The following TRIL variants were observed in gnomAD, a reference collection of about 807,000 sequenced individuals.
TRIL encodes TLR4 interactor with leucine rich repeats.
In TRIL, 23 loss-of-function variants were observed where a neutral mutation model predicts 43.0. The observed-to-expected ratio is 0.54, with a 90% CI of 0.39 to 0.76. TRIL has a LOEUF of 0.76. Among genes scored for constraint, TRIL ranks in the 30% least tolerant of loss-of-function variants. The pLI is 0.00. For missense variants in TRIL, 1,114 were observed against 1,139.3 expected (o/e 0.98, Z 0.32); for synonymous variants, 602 against 556.8 (o/e 1.08, Z -1.14).
At position 28,953,408 on chromosome 7, in the gene TRIL, C is replaced by T. The variant is rs1396458837; in HGVS notation, c.*2203G>A. The T allele has an allele frequency of 6.6e-6, 1 of 152,554 alleles. No individual in the cohort carries two copies. Among genetic ancestry groups the T allele is most frequent in the Non-Finnish European group, 1.5e-5 (1 of 68,018 alleles). 9.5% of individuals were successfully genotyped at this position (152,554 alleles called of 1,614,324 possible). A position where few individuals can be genotyped will look rare whatever the true frequency, so the allele number is the denominator to read the frequency against. On this transcript the variant is annotated 3_prime_UTR_variant, in exon 1 of 1. Transcript: ENST00000539664. ...CATAACTGGACATAACAATGTATAACATTTATTCATCTCCCACTGAAAGAC... is the reference window on the plus strand; with the variant it reads ...CATAACTGGACATAACAATGTATAATATTTATTCATCTCCCACTGAAAGAC...
At position 28,957,648 on chromosome 7, in the gene TRIL, C is replaced by T. The variant is rs1783428349; in HGVS notation, c.399G>A (p.Leu133=). 1.2e-6 allele frequency: 2 copies of T among 1,609,786 alleles called. No individual in the cohort carries two copies. Among genetic ancestry groups the T allele is most frequent in the Non-Finnish European group, 1.7e-6 (2 of 1,178,228 alleles). Residue 133 remains leucine, a synonymous_variant, in exon 1 of 1, where the codon CTG becomes CTA. Transcript: ENST00000539664. ...CGTTCCCGTTGGCGTAGAGGATGCG[C>T]AGCTTGCGCAGCGGGGCCAGCGTGC... ...APGTLAPLRK[L]RILYANGNEI...
rs1215394267 is a variant in TRIL at position 28,957,251 on chromosome 7, T to C, written c.796A>G (p.Thr266Ala). 6 of 1,608,322 alleles carry C rather than the reference T, an allele frequency of 3.7e-6. No individual in the cohort carries two copies. The highest frequency in any genetic ancestry group is 5.1e-6 in the Non-Finnish European group (6 of 1,179,554). The change falls in exon 1 of 1, where the codon ACG becomes GCG. Residue 266 changes from threonine (T) to alanine (A), a missense_variant. Transcript: ENST00000539664. ...CAAAAGGCCTCAGGCGCGAGGTGCG[T>C]GAGCTGGTTGCCCCTGAGCGAGAGC... ...GLLSLRGNQL[T>A]HLAPEAFWGL...
chr7:28,958,165 C>A lies in TRIL; in HGVS notation c.-119G>T. 7.5e-7 allele frequency: 1 copy of A among 1,334,342 alleles called. No individual in the cohort carries two copies. 82.7% of individuals were successfully genotyped at this position (1,334,342 alleles called of 1,614,324 possible). ...AAATGGCCTCTTTCGGACTTCGCAG[C>A]GCCGTCCAGCCCCTCCTCCGTCCTT... On this transcript the variant is annotated 5_prime_UTR_variant, in exon 1 of 1. Coordinates refer to ENST00000539664, the MANE Select transcript of TRIL (RefSeq NM_014817.4).
Position 28,955,414 on chromosome 7 carries a change from T to C in TRIL, c.*197A>G, listed in dbSNP as rs951381330. ...ATCCCACCATCCATTTGTCCCCTACTCTGGCTCTGACCACCAAGTACCATC... is the reference window on the plus strand; with the variant it reads ...ATCCCACCATCCATTTGTCCCCTACCCTGGCTCTGACCACCAAGTACCATC... On this transcript the variant is annotated 3_prime_UTR_variant, in exon 1 of 1. Transcript: ENST00000539664. 1.2e-6 allele frequency: 1 copy of C among 811,516 alleles called. No individual in the cohort carries two copies. Among genetic ancestry groups the C allele is most frequent in the Non-Finnish European group, 1.8e-6 (1 of 546,128 alleles). 50.3% of individuals were successfully genotyped at this position (811,516 alleles called of 1,614,324 possible).
rs773647553 is a variant in TRIL at position 28,957,423 on chromosome 7, G to A, written c.624C>T (p.Leu208=). ...GCTGTAGCTCGTTGGCAGAGAGGTT[G>A]AGGAAGCGCAGCTTGCCTAGCTGGG... ...AFAQLGKLRF[L]NLSANELQPS... is the part of the protein sequence containing the mutation. The change falls in exon 1 of 1, where the codon CTC becomes CTT. Residue 208 remains leucine, a synonymous_variant. Transcript: ENST00000539664. 6.2e-7 allele frequency: 1 copy of A among 1,613,498 alleles called. No homozygotes were observed. The highest frequency in any genetic ancestry group is 8.5e-7 in the Non-Finnish European group (1 of 1,179,876).
Position 28,958,079 on chromosome 7 carries a change from T to A in TRIL, c.-33A>T. On this transcript the variant is annotated 5_prime_UTR_variant, in exon 1 of 1. Transcript: ENST00000539664. The stretch of plus-strand genomic sequence containing the variant: ...CGCCCTGCGTGCAGCGGCCGGATCG[T>A]CCTCTTGGCCCGCCGGCTCTGTGTC... 1 of 1,471,218 alleles carries A rather than the reference T, an allele frequency of 6.8e-7. No individual in the cohort carries two copies. Among genetic ancestry groups the A allele is most frequent in the Non-Finnish European group, 9.0e-7 (1 of 1,116,438 alleles). 91.1% of individuals were successfully genotyped at this position (1,471,218 alleles called of 1,614,324 possible). A position where few individuals can be genotyped will look rare whatever the true frequency, so the allele number is the denominator to read the frequency against.
chr7:28,956,336 C>T lies in TRIL; in HGVS notation c.1711G>A (p.Gly571Arg). The change falls in exon 1 of 1, where the codon GGG becomes AGG. Residue 571 changes from glycine to arginine, a missense_variant. Gly to Arg is a moderately radical substitution (Grantham distance 125). Transcript: ENST00000539664. Reference protein sequence around the residue: ...ERAAQSDGGAGLPPLVSDPCD... With the variant: ...ERAAQSDGGARLPPLVSDPCD... ...GGGTCGGACACCAGCGGCGGCAGCC[C>T]GGCCCCACCGTCGGACTGGGCGGCA... 6.5e-7 allele frequency: 1 copy of T among 1,530,728 alleles called. No individual in the cohort carries two copies. The highest frequency in any genetic ancestry group is 2.4e-5 in the East Asian group (1 of 41,004). 94.8% of individuals were successfully genotyped at this position (1,530,728 alleles called of 1,614,324 possible).
In TRIL at chr7:28,957,395, A is replaced by C. The variant is rs769337792; in HGVS notation, c.652T>G (p.Ser218Ala). The C allele has an allele frequency of 3.1e-6, 5 of 1,613,338 alleles. No homozygotes were observed. The highest frequency in any genetic ancestry group is 4.2e-6 in the Non-Finnish European group (5 of 1,179,852). ...LNLSANELQP[S>A]LRHAATFAPL... ...GCGAAGGTGGCCGCGTGGCGCAGGG[A>C]GGGCTGTAGCTCGTTGGCAGAGAGG... is the stretch of plus-strand genomic sequence containing the variant. Residue 218 changes from serine (S) to alanine (A), a missense_variant, in exon 1 of 1, where the codon TCC (serine) becomes GCC (alanine). Coordinates refer to ENST00000539664, the MANE Select transcript of TRIL (RefSeq NM_014817.4).
chr7:28,957,929 G>A lies in TRIL; in HGVS notation c.118C>T (p.Leu40=). 2 of 1,610,496 alleles carry A rather than the reference G, an allele frequency of 1.2e-6. No homozygotes were observed. Among genetic ancestry groups the A allele is most frequent in the Non-Finnish European group, 1.7e-6 (2 of 1,179,796 alleles). Residue 40 remains leucine, a synonymous_variant, in exon 1 of 1, where the codon CTG becomes TTG. Coordinates refer to ENST00000539664, the MANE Select transcript of TRIL (RefSeq NM_014817.4). ...ACGCGGAGCCCCCTGTTGGTGCACAGGAGATGCTGGGGATGCTGGCAGTCG... is the reference window on the plus strand; with the variant it reads ...ACGCGGAGCCCCCTGTTGGTGCACAAGAGATGCTGGGGATGCTGGCAGTCG... ...RCDCQHPQHL[L]CTNRGLRVVP...
Position 28,957,558 on chromosome 7 carries a change from G to C in TRIL, c.489C>G (p.Asp163Glu), listed in dbSNP as rs765265150. Residue 163 changes from aspartate (D) to glutamate (E), a missense_variant, in exon 1 of 1, where the codon GAC (aspartate) becomes GAG (glutamate). Asp to Glu is a conservative substitution (Grantham distance 45). Coordinates refer to ENST00000539664, the MANE Select transcript of TRIL (RefSeq NM_014817.4). ...GLESLVKLRL[D>E]GNALGALPDA... ...CCGGCAGCGCCCCCAGGGCGTTCCC[G>C]TCCAGCCGCAGCTTGACTAGACTCT... 3 of 1,612,116 alleles carry C rather than the reference G, an allele frequency of 1.9e-6. No homozygotes were observed. Among genetic ancestry groups the C allele is most frequent in the Non-Finnish European group, 2.5e-6 (3 of 1,179,604 alleles).
rs748900559 is a variant in TRIL, at chr7:28,957,515, A to G, written c.532T>C (p.Leu178=). The G allele has an allele frequency of 2.5e-6, 4 of 1,613,166 alleles. No homozygotes were observed. The highest frequency in any genetic ancestry group is 2.5e-6 in the Non-Finnish European group (3 of 1,179,842). The change falls in exon 1 of 1, where the codon TTG becomes CTG. Residue 178 remains leucine, a synonymous_variant. Coordinates refer to ENST00000539664, the MANE Select transcript of TRIL (RefSeq NM_014817.4). The part of the protein sequence containing the change: ...GALPDAVFAP[L]GNLLYLHLES... ...AGATGTAGGTAGAGCAGGTTGCCCAAGGGAGCGAAGACCGCGTCCGGCAGC... is the reference window on the plus strand; with the variant it reads ...AGATGTAGGTAGAGCAGGTTGCCCAGGGGAGCGAAGACCGCGTCCGGCAGC...
At position 28,955,928 on chromosome 7, in the gene TRIL, C is replaced by T. The variant is rs1442152089; in HGVS notation, c.2119G>A (p.Ala707Thr). 1 of 1,552,996 alleles carries T rather than the reference C, an allele frequency of 6.4e-7. No individual in the cohort carries two copies. The highest frequency in any genetic ancestry group is 8.7e-7 in the Non-Finnish European group (1 of 1,150,810). The change falls in exon 1 of 1, where the codon GCG (alanine) becomes ACG (threonine). Residue 707 changes from alanine to threonine, a missense_variant. Coordinates refer to ENST00000539664, the MANE Select transcript of TRIL (RefSeq NM_014817.4). ...LLTLALLTVN[A>T]LLVLLALAAW... ...GCCAAGGCCAGGAGCACCAGCAGCG[C>T]GTTGACCGTCAGCAGGGCCAAGGTC...
rs1407383936 is a variant in TRIL, at chr7:28,958,217, C to A, written c.-171G>T. The A allele has an allele frequency of 5.9e-6, 6 of 1,011,066 alleles. No homozygotes were observed. Among genetic ancestry groups the A allele is most frequent in the Admixed American group, 3.6e-5 (1 of 27,840 alleles). The allele number at this position is 1,011,066 out of a possible 1,614,324, so 62.6% of individuals were successfully genotyped here. A position where few individuals can be genotyped will look rare whatever the true frequency, so the allele number is the denominator to read the frequency against. ...GTCCGGAGGCCGGCCCGGGTCTCTG[C>A]AGGCGGGCTTCGCCCGGCCAAGTCA... On this transcript the variant is annotated 5_prime_UTR_variant, in exon 1 of 1. Transcript: ENST00000539664.
chr7:28,958,071 C>T lies in TRIL; in HGVS notation c.-25G>A, dbSNP rs775106481. On this transcript the variant is annotated 5_prime_UTR_variant, in exon 1 of 1. Transcript: ENST00000539664. ...TCGCCTCCCGCCCTGCGTGCAGCGG[C>T]CGGATCGTCCTCTTGGCCCGCCGGC... is the stretch of plus-strand genomic sequence containing the variant. 4 of 1,475,060 alleles carry T rather than the reference C, an allele frequency of 2.7e-6. No individual in the cohort carries two copies. The highest frequency in any genetic ancestry group is 3.6e-6 in the Non-Finnish European group (4 of 1,118,710). 91.4% of individuals were successfully genotyped at this position (1,475,060 alleles called of 1,614,324 possible). A position where few individuals can be genotyped will look rare whatever the true frequency, so the allele number is the denominator to read the frequency against.
rs1274850265 is a variant in TRIL at position 28,957,633 on chromosome 7, G to A, written c.414C>T (p.Ala138=). Residue 138 remains alanine, a synonymous_variant, in exon 1 of 1, where the codon GCC becomes GCT. Transcript: ENST00000539664. The stretch of plus-strand genomic sequence containing the variant: ...TTAGGCGGCTGATCTCGTTCCCGTT[G>A]GCGTAGAGGATGCGCAGCTTGCGCA... ...APLRKLRILY[A]NGNEISRLSR... 1 of 1,610,844 alleles carries A rather than the reference G, an allele frequency of 6.2e-7. No homozygotes were observed. The highest frequency in any genetic ancestry group is 8.5e-7 in the Non-Finnish European group (1 of 1,178,700).
In TRIL at chr7:28,956,755, G is replaced by T; in HGVS notation, c.1292C>A (p.Pro431His). ...ASLTADRRRQ[P>H]LPTAAGEEMT... The stretch of plus-strand genomic sequence containing the variant: ...CTCCTCCCCTGCGGCCGTGGGTAGG[G>T]GCTGCCGCCTGCGGTCAGCGGTCAG... Residue 431 changes from proline to histidine, a missense_variant, in exon 1 of 1, where the codon CCC becomes CAC. Transcript: ENST00000539664. 6.2e-7 allele frequency: 1 copy of T among 1,607,882 alleles called. No individual in the cohort carries two copies. Among genetic ancestry groups the T allele is most frequent in the Non-Finnish European group, 8.5e-7 (1 of 1,179,312 alleles).
Position 28,956,868 on chromosome 7 carries a change from G to T in TRIL, c.1179C>A (p.Pro393=). 1 of 1,608,036 alleles carries T rather than the reference G, an allele frequency of 6.2e-7. No individual in the cohort carries two copies. Among genetic ancestry groups the T allele is most frequent in the South Asian group, 1.1e-5 (1 of 90,784 alleles). The change falls in exon 1 of 1, where the codon CCC becomes CCA. Residue 393 remains proline, a synonymous_variant. Transcript: ENST00000539664. ...CCAGGTATTTGCCTCGCAGGGCCGG[G>T]GGGTGGCGACACTGCACGAAGACAG... ...LLTVFVQCRH[P]PALRGKYLDY... is the part of the protein sequence containing the mutation.
chr7:28,955,935 C>G lies in TRIL; in HGVS notation c.2112G>C (p.Thr704=), dbSNP rs1282306824. 7 of 1,553,558 alleles carry G rather than the reference C, an allele frequency of 4.5e-6. No homozygotes were observed. The highest frequency in any genetic ancestry group is 6.1e-6 in the Non-Finnish European group (7 of 1,151,466). ...DYQLLTLALL[T]VNALLVLLAL... ...CCAGGAGCACCAGCAGCGCGTTGAC[C>G]GTCAGCAGGGCCAAGGTCAGCAGCT... The change falls in exon 1 of 1, where the codon ACG becomes ACC. Residue 704 remains threonine (T), a synonymous_variant. Transcript: ENST00000539664.
Position 28,957,071 on chromosome 7 carries a change from G to A in TRIL, c.976C>T (p.Arg326Trp). ...LHPATFGHLGRLRELSLRNNA... is the reference protein window; with the variant it reads ...LHPATFGHLGWLRELSLRNNA... ...TTGCGCAGGCTGAGCTCGCGCAGCCGGCCCAGGTGGCCGAAGGTGGCCGGG... is the reference window on the plus strand; with the variant it reads ...TTGCGCAGGCTGAGCTCGCGCAGCCAGCCCAGGTGGCCGAAGGTGGCCGGG... Residue 326 changes from arginine to tryptophan, a missense_variant, in exon 1 of 1, where the codon CGG (arginine) becomes TGG (tryptophan). Physicochemically the swap from Arg to Trp is moderately radical, Grantham distance 101. Transcript: ENST00000539664. 6.4e-7 allele frequency: 1 copy of A among 1,573,706 alleles called. No individual in the cohort carries two copies. The highest frequency in any genetic ancestry group is 8.6e-7 in the Non-Finnish European group (1 of 1,163,064).
Sources: allele counts gnomAD v4.1 joint callset, GRCh38; gene constraint gnomAD v4.1.1; transcripts MANE v1.5; gene names NCBI Gene and HGNC (gene_info 2026-07-23, HGNC 2026-07-21).